Variants in LINGO2 observed in about 807,000 individuals in gnomAD.
The protein encoded by LINGO2 is leucine rich repeat and Ig domain containing 2, also known as leucine-rich repeat and immunoglobulin-like domain-containing nogo receptor-interacting protein 2.
LINGO2 carries 14 observed loss-of-function variants against 30.6 expected under a neutral mutation model. That is an observed-to-expected ratio of 0.46 (90% CI 0.30 to 0.72). The LOEUF (loss-of-function observed/expected upper bound fraction) is 0.72, where lower values mean the gene tolerates loss of function less well. LINGO2 is among the 30% of genes least tolerant of loss of function. The pLI, the probability that LINGO2 is intolerant of heterozygous loss-of-function variation, is 0.07. For missense variants in LINGO2, 729 were observed against 751.7 expected (o/e 0.97, Z 0.35); for synonymous variants, 317 against 288.5 (o/e 1.10, Z -1.00).
intron 5 of LINGO2, among the ~76,000 whole-genome samples, chr9:27,990,960 A>C (rs1345086376): frequency 5.3e-5 from 8 of 152,156 alleles, no homozygotes; most frequent in African/African-American, 1.7e-4. Context: ...TCTCTGGTGT[A>C]AACAGCCACT....
chr9:28,057,686 A>T (rs543947596), intron 4 of LINGO2, among the ~76,000 whole-genome samples: 1 of 120,540 alleles, frequency 8.3e-6, no homozygotes, highest in East Asian at 2.0e-4. Context: ...TCCACTTTAC[A>T]AGGTAACATG....
intron 3 of LINGO2, among the ~76,000 whole-genome samples, chr9:28,365,453 ATAG>A (rs1323278118): frequency 6.6e-6 from 1 of 152,190 alleles, no homozygotes; most frequent in Non-Finnish European, 1.5e-5. Flanking sequence ...AACAGGCTGT[ATAG>A]TGAAATACCA....
chr9:29,129,785 C>T, the LINGO2 span, among the ~76,000 whole-genome samples: 3 of 151,868 alleles, frequency 2.0e-5, no homozygotes, highest in Non-Finnish European at 4.4e-5. Flanking sequence ...TATATGAAGA[C>T]GTGTTTTTGG....
chr9:28,105,761 C>A (rs541042501), intron 4 of LINGO2, among the ~76,000 whole-genome samples: 2 of 152,074 alleles, frequency 1.3e-5, no homozygotes, highest in Non-Finnish European at 2.9e-5. Flanking sequence ...CACACATGCA[C>A]TGAAGAAAGG....
chr9:29,109,087 G>A, the LINGO2 span, among the ~76,000 whole-genome samples: 1 of 152,070 alleles, frequency 6.6e-6, no homozygotes, highest in East Asian at 1.9e-4. Flanking sequence ...TAAGCCATCA[G>A]TGTAGACTGA....
At chr9:28,738,753 C>A in the LINGO2 span, among the ~76,000 whole-genome samples, 1 of 151,876 alleles carries the variant, frequency 6.6e-6, no homozygotes. Context: ...AGTAAGAAAT[C>A]TTTTAATATG....
chr9:28,717,483 G>A, the LINGO2 span, among the ~76,000 whole-genome samples: 1 of 151,910 alleles, frequency 6.6e-6, no homozygotes, highest in African/African-American at 2.4e-5. Context: ...CAATAAACAT[G>A]AGATTTTGGA....
chr9:29,129,419 T>G, the LINGO2 span, among the ~76,000 whole-genome samples: 1 of 152,140 alleles, frequency 6.6e-6, no homozygotes, highest in Non-Finnish European at 1.5e-5. Flanking sequence ...CTTTTGATGC[T>G]CATTGGCTAT....
the LINGO2 span, among the ~76,000 whole-genome samples, chr9:28,731,727 A>T: frequency 6.6e-6 from 1 of 152,192 alleles, no homozygotes; most frequent in African/African-American, 2.4e-5. Flanking sequence ...ATACACATAT[A>T]TACACACAGA....
At chr9:28,943,818 G>C in the LINGO2 span, among the ~76,000 whole-genome samples, 1 of 152,162 alleles carries the variant, frequency 6.6e-6, no homozygotes, top group Non-Finnish European at 1.5e-5. Context: ...TGCTTCTATA[G>C]GGTACATGTA....
At chr9:28,379,030 C>T (rs1046512737) in intron 2 of LINGO2, among the ~76,000 whole-genome samples, 4 of 151,974 alleles carry the variant, frequency 2.6e-5, no homozygotes, top group African/African-American at 9.7e-5. Flanking sequence ...AACTTTGAAC[C>T]ACAAAGAGCT....
chr9:28,653,099 C>G (rs539566778), intron 1 of LINGO2, among the ~76,000 whole-genome samples: 2 of 152,070 alleles, frequency 1.3e-5, no homozygotes, highest in Non-Finnish European at 2.9e-5. Context: ...TTATTAAGCA[C>G]CCTGTGGAAT....
At chr9:28,513,341 G>A (rs952228887) in intron 1 of LINGO2, among the ~76,000 whole-genome samples, 2 of 152,186 alleles carry the variant, frequency 1.3e-5, no homozygotes, top group African/African-American at 4.8e-5. Flanking sequence ...GACTCAAAGT[G>A]AATATTCTTT....
the LINGO2 span, among the ~76,000 whole-genome samples, chr9:29,100,529 A>G: frequency 0.24 from 35,669 of 151,492 alleles, 4,308 homozygotes; most frequent in East Asian, 0.41. Context: ...AGGAGGCAGA[A>G]GTTACAATGA....
chr9:28,681,718 C>T, the LINGO2 span, among the ~76,000 whole-genome samples: 5 of 151,944 alleles, frequency 3.3e-5, no homozygotes, highest in African/African-American at 4.8e-5. Flanking sequence ...GAGTATTTTC[C>T]CAAACTGTGT....
the LINGO2 span, among the ~76,000 whole-genome samples, chr9:29,142,550 C>A: frequency 1.3e-5 from 2 of 151,542 alleles, no homozygotes; most frequent in African/African-American, 2.4e-5. Context: ...AGATAACAAC[C>A]ATTAAAGCAG....
chr9:29,025,308 T>C, the LINGO2 span, among the ~76,000 whole-genome samples: 7 of 152,162 alleles, frequency 4.6e-5, no homozygotes, highest in Non-Finnish European at 1.0e-4. Flanking sequence ...TAGTAAAATA[T>C]TAAAACCTCT....
intron 1 of LINGO2, among the ~76,000 whole-genome samples, chr9:28,661,911 A>C (rs1331421793): frequency 6.6e-6 from 1 of 152,172 alleles, no homozygotes; most frequent in Non-Finnish European, 1.5e-5. Flanking sequence ...AGGTATTTTT[A>C]ACAAAGTCAT....
At chr9:29,098,826 A>G in the LINGO2 span, among the ~76,000 whole-genome samples, 1 of 152,178 alleles carries the variant, frequency 6.6e-6, no homozygotes, top group African/African-American at 2.4e-5. Context: ...AAGTAAGTGT[A>G]GTAGGACAAA....
Sources: gnomAD v4.1 joint callset for allele counts (sites outside exome capture counted in the v4.1 genomes callset) on GRCh38, gnomAD v4.1.1 for gene constraint, MANE v1.5 for transcripts, NCBI Gene and HGNC (gene_info 2026-07-23, HGNC 2026-07-21) for gene names.